Variants in PIEZO2 observed in about 807,000 individuals in gnomAD.
PIEZO2 encodes the protein piezo type mechanosensitive ion channel component 2.
PIEZO2 carries 172 observed loss-of-function variants against 337.3 expected under a neutral mutation model. The ratio of observed to expected loss-of-function variants is 0.51; its 90% CI spans 0.45 to 0.58. The LOEUF is 0.58. Ranked by LOEUF, PIEZO2 falls within the 20% of genes least tolerant of loss-of-function variation. The pLI, the probability that PIEZO2 is intolerant of heterozygous loss-of-function variation, is 0.00. For synonymous variants in PIEZO2, 1,251 were observed against 1,228.5 expected (o/e 1.02, Z -0.38); for missense variants, 3,028 against 3,391.3 (o/e 0.89, Z 2.66).
chr18:11,110,576 C>G lies in PIEZO2; in HGVS notation c.64+37949G>C, dbSNP rs961109970. ...CGGGGGAGTGGGAGCTGCCACATAA[C>G]GGTTCCTTCAGAGGTGGACGGTGGT... On this transcript the variant is annotated intron_variant, in intron 1 of 55. Coordinates refer to ENST00000674853, the MANE Select transcript of PIEZO2 (RefSeq NM_001378183.1). This position sits in a 1 kb window ranked among gnomAD's most constrained non-coding sequence, Gnocchi z 4.2. Among the ~76,000 whole-genome samples, 1 of 152,186 alleles carries G rather than the reference C, an allele frequency of 6.6e-6. No homozygotes were observed. Among genetic ancestry groups the G allele is most frequent in the African/African-American group, 2.4e-5 (1 of 41,460 alleles).
intron 21 of PIEZO2, among the ~76,000 whole-genome samples, chr18:10,765,202 G>C (rs531859437): frequency 6.6e-6 from 1 of 152,200 alleles, no homozygotes; most frequent in African/African-American, 2.4e-5. Context: ...GAGACCTGAC[G>C]AATAAACAGG....
At position 10,672,052 on chromosome 18, in the gene PIEZO2, G is replaced by A. The variant is rs185731359; in HGVS notation, c.8346-273C>T. 3.9e-5 allele frequency among the ~76,000 whole-genome samples: 6 copies of A among 152,166 alleles called. No homozygotes were observed. The highest frequency in any genetic ancestry group is 2.6e-4 in the Admixed American group (4 of 15,272). On this transcript the variant is annotated intron_variant, in intron 55 of 55. Coordinates refer to ENST00000674853, the MANE Select transcript of PIEZO2 (RefSeq NM_001378183.1). This position sits in a 1 kb window ranked among gnomAD's most constrained non-coding sequence, Gnocchi z 4.7. ...ATTCTGTAAATAATCAATGCTAACC[G>A]TTTCATGTATGAACTTTAGGTGGTT...
intron 4 of PIEZO2, among the ~76,000 whole-genome samples, chr18:10,904,131 T>A (rs1323158597): frequency 6.6e-6 from 1 of 152,230 alleles, no homozygotes; most frequent in East Asian, 1.9e-4. Context: ...GTACCTTATG[T>A]TTACATATAG....
intron 36 of PIEZO2, among the ~76,000 whole-genome samples, chr18:10,720,535 G>A (rs2143952098): frequency 6.9e-6 from 1 of 144,000 alleles, no homozygotes; most frequent in East Asian, 2.0e-4. Context: ...ATAGCTCACT[G>A]CAGCCTTGAC....
In PIEZO2 at chr18:10,854,669, T is replaced by G. The variant is rs902708293; in HGVS notation, c.917+684A>C. On this transcript the variant is annotated intron_variant, in intron 7 of 55. Coordinates refer to ENST00000674853, the MANE Select transcript of PIEZO2 (RefSeq NM_001378183.1). The surrounding 1 kb of genome is among the most constrained non-coding windows in gnomAD (Gnocchi z 4.6). ...AGCAAAGTATTTGATGTTTCTCCCT[T>G]TCTCTCTCACACCAGAGACTTATGT... Among the ~76,000 whole-genome samples the G allele has an allele frequency of 2.6e-5, 4 of 152,214 alleles. No individual in the cohort carries two copies. Among genetic ancestry groups the G allele is most frequent in the African/African-American group, 7.2e-5 (3 of 41,460 alleles).
Position 10,877,633 on chromosome 18 carries a change from C to T in PIEZO2, c.330-6218G>A, listed in dbSNP as rs569730686. Among the ~76,000 whole-genome samples the T allele has an allele frequency of 5.3e-5, 8 of 152,172 alleles. No individual in the cohort carries two copies. The highest frequency in any genetic ancestry group is 1.2e-4 in the Non-Finnish European group (8 of 68,026). On this transcript the variant is annotated intron_variant, in intron 4 of 55. Transcript: ENST00000674853. This position sits in a 1 kb window ranked among gnomAD's most constrained non-coding sequence, Gnocchi z 5.3. ...TTCTGACTTCTAACGTCTCCTTTCC[C>T]AGCCCTCCCCTTTATCCCCACAGCC...
chr18:10,935,289 C>T (rs1002900216), intron 3 of PIEZO2, among the ~76,000 whole-genome samples: 1 of 152,108 alleles, frequency 6.6e-6, no homozygotes, highest in African/African-American at 2.4e-5. Flanking sequence ...CTGGAAGAAG[C>T]CTGAATTGTT....
chr18:10,746,050 ATATCT>A lies in PIEZO2; in HGVS notation c.4425-1824_4425-1820del, dbSNP rs2037409262. On this transcript the variant is annotated intron_variant, in intron 30 of 55. Transcript: ENST00000674853. This position sits in a 1 kb window ranked among gnomAD's most constrained non-coding sequence, Gnocchi z 4.2. ...CAGCTGTGCCTATTTTGCCTCTGGAATATCTTTCTCAGTGATCCTATCCTGGTCTA... is the reference window on the plus strand; with the variant it reads ...CAGCTGTGCCTATTTTGCCTCTGGAATTCTCAGTGATCCTATCCTGGTCTA... Among the ~76,000 whole-genome samples the A allele has an allele frequency of 2.0e-5, 3 of 152,216 alleles. No homozygotes were observed. In the South Asian group the frequency reaches 6.2e-4, roughly 32 times the overall value.
rs1351467183 is a variant in PIEZO2, at chr18:10,707,986, A to G, written c.5588+289T>C. On this transcript the variant is annotated intron_variant, in intron 40 of 55. Coordinates refer to ENST00000674853, the MANE Select transcript of PIEZO2 (RefSeq NM_001378183.1). This position sits in a 1 kb window ranked among gnomAD's most constrained non-coding sequence, Gnocchi z 4.2. ...GAGGAAACATGCTTATGTCTCTGAA[A>G]ATGGAAAGTTTGAAATACTGAAAAC... Among the ~76,000 whole-genome samples, 1 of 152,180 alleles carries G rather than the reference A, an allele frequency of 6.6e-6. No homozygotes were observed. The highest frequency in any genetic ancestry group is 2.4e-5 in the African/African-American group (1 of 41,454).
At chr18:10,751,997 G>A (rs2037666189) in intron 28 of PIEZO2, among the ~76,000 whole-genome samples, 1 of 152,142 alleles carries the variant, frequency 6.6e-6, no homozygotes, top group African/African-American at 2.4e-5. Flanking sequence ...CCTGGTGCGG[G>A]TTGTGGGGGG....
At chr18:10,960,576 A>G (rs2033727794) in intron 3 of PIEZO2, among the ~76,000 whole-genome samples, 2 of 150,588 alleles carry the variant, frequency 1.3e-5, no homozygotes, top group Admixed American at 1.3e-4. Context: ...TTTTTCCTGA[A>G]TGGGTGGGCA....
intron 2 of PIEZO2, among the ~76,000 whole-genome samples, chr18:11,030,742 G>A (rs1388705565): frequency 6.6e-6 from 1 of 152,098 alleles, no homozygotes; most frequent in African/African-American, 2.4e-5. Flanking sequence ...CCAGGGCCAG[G>A]AGCATCCAAA....
In PIEZO2 at chr18:10,677,970, A is replaced by T; in HGVS notation, c.7953-95T>A. 1 of 1,268,580 alleles carries T rather than the reference A, an allele frequency of 7.9e-7. No individual in the cohort carries two copies. The highest frequency in any genetic ancestry group is 1.1e-6 in the Non-Finnish European group (1 of 946,262). The allele number at this position is 1,268,580 out of a possible 1,614,324, so 78.6% of individuals were successfully genotyped here. ...TTTAACTCTTAATTTGATTAATGTCACCACGTTTTCATTGGGTCCACAACG... is the reference window on the plus strand; with the variant it reads ...TTTAACTCTTAATTTGATTAATGTCTCCACGTTTTCATTGGGTCCACAACG... On this transcript the variant is annotated intron_variant, in intron 52 of 55. Coordinates refer to ENST00000674853, the MANE Select transcript of PIEZO2 (RefSeq NM_001378183.1). This position sits in a 1 kb window ranked among gnomAD's most constrained non-coding sequence, Gnocchi z 4.1.
chr18:11,041,954 C>A (rs2037138458), intron 2 of PIEZO2, among the ~76,000 whole-genome samples: 1 of 152,176 alleles, frequency 6.6e-6, no homozygotes, highest in Admixed American at 6.5e-5. Flanking sequence ...CCAGGTATCT[C>A]TGTCTAGATG....
rs114904660 is a variant in PIEZO2 at position 11,147,173 on chromosome 18, G to T, written c.64+1352C>A. The stretch of plus-strand genomic sequence containing the variant: ...GGGGAGAGAGGTGCATATCCGCTCT[G>T]TGGAAGCTTAGCTCTTCATCTATGC... On this transcript the variant is annotated intron_variant, in intron 1 of 55. Coordinates refer to ENST00000674853, the MANE Select transcript of PIEZO2 (RefSeq NM_001378183.1). 1.6e-3 allele frequency among the ~76,000 whole-genome samples: 251 copies of T among 152,280 alleles called. 1 individual carries two copies. Among genetic ancestry groups the T allele is most frequent in the African/African-American group, 5.9e-3 (247 of 41,546 alleles).
chr18:10,805,522 A>T (rs1055909036), intron 8 of PIEZO2, among the ~76,000 whole-genome samples: 8 of 152,174 alleles, frequency 5.3e-5, no homozygotes, highest in Admixed American at 1.3e-4. Context: ...ATCTCAAAAA[A>T]ATATATATGT....
At chr18:10,689,352 C>A (rs557277254) in intron 49 of PIEZO2, among the ~76,000 whole-genome samples, 1 of 152,304 alleles carries the variant, frequency 6.6e-6, no homozygotes, top group South Asian at 2.1e-4. Flanking sequence ...ACATCACATT[C>A]CTTTCTGCTC....
intron 3 of PIEZO2, among the ~76,000 whole-genome samples, chr18:10,921,363 T>C (rs2031385045): frequency 6.6e-6 from 1 of 152,136 alleles, no homozygotes; most frequent in Non-Finnish European, 1.5e-5. Context: ...TTGTAAAGAT[T>C]TCATAGACAT....
chr18:10,938,642 T>A (rs1423415758), intron 3 of PIEZO2, among the ~76,000 whole-genome samples: 1 of 152,248 alleles, frequency 6.6e-6, no homozygotes, highest in Non-Finnish European at 1.5e-5. Context: ...ATAAACATAC[T>A]GAAAGATTCT....
Sources: allele counts gnomAD v4.1 joint callset (sites outside exome capture counted in the v4.1 genomes callset), GRCh38; gene constraint gnomAD v4.1.1; non-coding constraint Gnocchi (gnomAD v3.1); transcripts MANE v1.5; gene names NCBI Gene and HGNC (gene_info 2026-07-23, HGNC 2026-07-21).